PRKN: variants seen among roughly 807,000 people sequenced by gnomAD.
PRKN encodes the protein parkin RBR E3 ubiquitin protein ligase.
In PRKN, 56 loss-of-function variants were observed where a neutral mutation model predicts 59.5. That is an observed-to-expected ratio of 0.94 (90% CI 0.76 to 1.18). The LOEUF is 1.18. PRKN is among the 50% of genes most tolerant of loss of function. PRKN has a pLI of 0.00. For missense variants in PRKN, 657 were observed against 596.4 expected (o/e 1.10, Z -1.06); for synonymous variants, 250 against 222.1 (o/e 1.13, Z -1.12).
intron 1 of PRKN, among the ~76,000 whole-genome samples, chr6:162,659,709 T>C (rs1383273640): frequency 2.0e-5 from 3 of 152,128 alleles, no homozygotes; most frequent in African/African-American, 7.2e-5. Context: ...AAAAAAGAAA[T>C]GAAACCAAAC....
intron 2 of PRKN, among the ~76,000 whole-genome samples, chr6:162,280,822 T>TAAAAAAA (rs1780861441): frequency 8.0e-6 from 1 of 124,922 alleles, no homozygotes; most frequent in Admixed American, 8.5e-5. Context: ...AAAAAAAGGC[T>TAAAAAAA]AGAAGACGAC....
chr6:162,269,957 G>GATTTTCTGTATCTACTGTAA (rs1780303265), intron 2 of PRKN: 2 of 152,172 alleles, frequency 1.3e-5, no homozygotes, highest in South Asian at 4.1e-4. Context: ...AGAAAATAGT[G>GATTTTCTGTATCTACTGTAA]TGGAGATTCC....
chr6:162,346,520 C>T (rs1784411641), intron 2 of PRKN, among the ~76,000 whole-genome samples: 1 of 151,410 alleles, frequency 6.6e-6, no homozygotes, highest in Non-Finnish European at 1.5e-5. Flanking sequence ...CCCTGGGAGG[C>T]TATGGTGGGA....
chr6:162,226,690 C>T (rs531991542), intron 3 of PRKN, among the ~76,000 whole-genome samples: 11 of 152,150 alleles, frequency 7.2e-5, no homozygotes, highest in South Asian at 2.1e-4. Context: ...CCTGCTACCA[C>T]GCCCAGCTAT....
At chr6:161,653,840 A>G (rs1302736696) in intron 7 of PRKN, among the ~76,000 whole-genome samples, 1 of 152,208 alleles carries the variant, frequency 6.6e-6, no homozygotes, top group Admixed American at 6.5e-5. Context: ...GTAACTGTGA[A>G]GACTCCTAAG....
intron 1 of PRKN, among the ~76,000 whole-genome samples, chr6:162,512,757 C>T (rs1459834749): frequency 1.3e-5 from 2 of 152,068 alleles, no homozygotes; most frequent in Non-Finnish European, 2.9e-5. Flanking sequence ...CCTAGCTACA[C>T]TTTATTAACA....
intron 4 of PRKN, among the ~76,000 whole-genome samples, chr6:162,178,739 G>A (rs552951107): frequency 2.8e-4 from 42 of 152,196 alleles, no homozygotes; most frequent in Admixed American, 4.6e-4. Flanking sequence ...GTTTTGTGTC[G>A]TTTGTGGTTT....
At chr6:162,630,127 TC>T (rs1783050399) in intron 1 of PRKN, among the ~76,000 whole-genome samples, 1 of 152,166 alleles carries the variant, frequency 6.6e-6, no homozygotes, top group Non-Finnish European at 1.5e-5. Context: ...TCAAACAAGT[TC>T]TTACTCTTAC....
intron 7 of PRKN, among the ~76,000 whole-genome samples, chr6:161,652,584 C>T (rs144094144): frequency 2.0e-5 from 3 of 152,232 alleles, no homozygotes; most frequent in African/African-American, 7.2e-5. Flanking sequence ...GGATTACTGA[C>T]ATTTATAGTA....
At position 162,104,727 on chromosome 6, in the gene PRKN, G is replaced by A. The variant is rs538595889; in HGVS notation, c.535-50553C>T. 7.2e-5 allele frequency among the ~76,000 whole-genome samples: 11 copies of A among 152,258 alleles called. No homozygotes were observed. In the South Asian group the frequency reaches 1.7e-3, roughly 23 times the overall value. The stretch of plus-strand genomic sequence containing the variant: ...TGCTGGTCCACGTTCCACACTTTTA[G>A]GGGTGGGGATCAAAAAGATAAAGTC... On this transcript the variant is annotated intron_variant, in intron 4 of 11. Transcript: ENST00000366898.
chr6:161,539,201 T>C (rs1188311806), intron 9 of PRKN, among the ~76,000 whole-genome samples: 1 of 152,272 alleles, frequency 6.6e-6, no homozygotes, highest in African/African-American at 2.4e-5. Flanking sequence ...TTTAAACATT[T>C]TGTGTAATTT....
At chr6:162,639,839 G>A (rs1409872912) in intron 1 of PRKN, among the ~76,000 whole-genome samples, 8 of 152,132 alleles carry the variant, frequency 5.3e-5, no homozygotes, top group African/African-American at 1.4e-4. Flanking sequence ...CAAACACACA[G>A]GCCTCGAGTT....
chr6:162,661,612 A>C (rs550678618), intron 1 of PRKN, among the ~76,000 whole-genome samples: 16 of 152,162 alleles, frequency 1.1e-4, no homozygotes, highest in Admixed American at 2.0e-4. Flanking sequence ...CTGCTCTCTA[A>C]CACTTGAAGG....
intron 4 of PRKN, among the ~76,000 whole-genome samples, chr6:162,192,030 A>G (rs1784299332): frequency 6.6e-6 from 1 of 152,216 alleles, no homozygotes; most frequent in African/African-American, 2.4e-5. Context: ...AAATGAAACA[A>G]TAAGACATAT....
intron 1 of PRKN, among the ~76,000 whole-genome samples, chr6:162,577,031 G>A (rs1165421167): frequency 1.3e-5 from 2 of 151,924 alleles, no homozygotes; most frequent in Non-Finnish European, 2.9e-5. Flanking sequence ...TGACAGATTT[G>A]ACGAACTAAA....
At chr6:162,039,123 T>C (rs1186087264) in intron 5 of PRKN, among the ~76,000 whole-genome samples, 1 of 150,502 alleles carries the variant, frequency 6.6e-6, no homozygotes, top group Non-Finnish European at 1.5e-5. Flanking sequence ...GCCACTGCAC[T>C]CCAGCCTGGG....
chr6:162,380,483 G>GTA (rs1309288812), intron 2 of PRKN, among the ~76,000 whole-genome samples: 5 of 29,854 alleles, frequency 1.7e-4, no homozygotes, highest in Admixed American at 3.3e-4. Flanking sequence ...GTATATATAT[G>GTA]TATATATACA....
chr6:161,655,226 A>C (rs1196727378), intron 7 of PRKN, among the ~76,000 whole-genome samples: 104 of 127,502 alleles, frequency 8.2e-4, no homozygotes, highest in Middle Eastern at 0.011. Context: ...CAAGGTGCCC[A>C]GTTACAGAGG....
chr6:161,679,958 G>T (rs1350054542), intron 7 of PRKN, among the ~76,000 whole-genome samples: 1 of 151,676 alleles, frequency 6.6e-6, no homozygotes, highest in Non-Finnish European at 1.5e-5. Flanking sequence ...GTTTCACCGT[G>T]TTAGCCAGGA....
Sources: allele counts gnomAD v4.1 joint callset (sites outside exome capture counted in the v4.1 genomes callset), GRCh38; gene constraint gnomAD v4.1.1; transcripts MANE v1.5; gene names NCBI Gene and HGNC (gene_info 2026-07-23, HGNC 2026-07-21).